The following SPI1 variants were observed in gnomAD, a reference collection of about 807,000 sequenced individuals.
SPI1 encodes the protein Spi-1 proto-oncogene, also known as transcription factor PU.1.
A neutral mutation model predicts 30.7 loss-of-function variants in SPI1; 3 were observed. The ratio of observed to expected loss-of-function variants is 0.10; its 90% CI spans 0.04 to 0.25. The LOEUF is 0.25. Among genes scored for constraint, SPI1 ranks in the 10% least tolerant of loss-of-function variants. SPI1 has a pLI of 1.00. For synonymous variants in SPI1, 169 were observed against 157.1 expected, an observed-to-expected ratio of 1.08 and a Z score of -0.56; for missense variants, 261 against 371.5, an observed-to-expected ratio of 0.70 and a Z score of 2.45.
In SPI1 at chr11:47,362,570, C is replaced by CTTTT. The variant is rs377422572; in HGVS notation, c.143-2534_143-2531dup. 1.3e-3 allele frequency among the ~76,000 whole-genome samples: 140 copies of CTTTT among 108,030 alleles called. 1 individual carries two copies. Among genetic ancestry groups the CTTTT allele is most frequent in the African/African-American group, 4.2e-3 (117 of 27,728 alleles). 70.9% of individuals were successfully genotyped at this position (108,030 alleles called of 152,430 possible). On this transcript the variant is annotated intron_variant, in intron 2 of 4. Transcript: ENST00000378538. Reference sequence around the variant, plus strand: ...TGGGTGACAGAGTGAGACCCTGTCTCTTTTTTTTTTTTTTTTTTTTTCTCT... The same window carrying CTTTT: ...TGGGTGACAGAGTGAGACCCTGTCTCTTTTTTTTTTTTTTTTTTTTTTTTTCTCT...
Position 47,354,949 on chromosome 11 carries a change from G to A in SPI1, c.*278C>T, listed in dbSNP as rs2095905684. The A allele has an allele frequency of 3.3e-6, 1 of 306,894 alleles. No homozygotes were observed. The highest frequency in any genetic ancestry group is 1.6e-4 in the South Asian group (1 of 6,284). 19.0% of individuals were successfully genotyped at this position (306,894 alleles called of 1,614,324 possible). ...AGATCTGATTTACATACGGACTTGA[G>A]ACTCCCAAGGCAGTACCCCGGGTCG... On this transcript the variant is annotated 3_prime_UTR_variant, in exon 5 of 5. Transcript: ENST00000378538.
chr11:47,359,635 G>A lies in SPI1; in HGVS notation c.330+218C>T, dbSNP rs73453722. On this transcript the variant is annotated intron_variant, in intron 3 of 4. Transcript: ENST00000378538. The surrounding 1 kb of genome is among the most constrained non-coding windows in gnomAD (Gnocchi z 5.1). ...CTTGGTGAGGGTGCGAGAATTATCT[G>A]GGGTCTGTCCATACTCGGGGTGAGA... Among the ~76,000 whole-genome samples, 3,059 of 152,122 alleles carry A rather than the reference G, an allele frequency of 0.02. 121 individuals are homozygous for A. Among genetic ancestry groups the A allele is most frequent in the African/African-American group, 0.07 (2,904 of 41,466 alleles).
At chr11:47,357,093 C>T (rs553668247) in intron 4 of SPI1, among the ~76,000 whole-genome samples, 1 of 151,622 alleles carries the variant, frequency 6.6e-6, no homozygotes, top group South Asian at 2.1e-4. Context: ...CACATGCTAA[C>T]ACCTCACACA....
intron 4 of SPI1, among the ~76,000 whole-genome samples, chr11:47,357,529 C>T (rs1370661356): frequency 6.6e-6 from 1 of 151,986 alleles, no homozygotes; most frequent in Non-Finnish European, 1.5e-5. Flanking sequence ...CACACTCATG[C>T]ATGCTCACAC....
At chr11:47,357,552 A>T (rs575525505) in intron 4 of SPI1, among the ~76,000 whole-genome samples, 1 of 148,820 alleles carries the variant, frequency 6.7e-6, no homozygotes, top group East Asian at 2.0e-4. Context: ...ACCTGCTCTC[A>T]CACTCACACA....
intron 4 of SPI1, among the ~76,000 whole-genome samples, chr11:47,357,786 G>A (rs2095913829): frequency 1.3e-5 from 2 of 152,058 alleles, no homozygotes; most frequent in East Asian, 3.9e-4. Context: ...GGCTGGTCTC[G>A]AACACCTGAC....
At chr11:47,378,093 G>A (rs141662476) in intron 1 of SPI1, among the ~76,000 whole-genome samples, 83 of 152,356 alleles carry the variant, frequency 5.4e-4, no homozygotes, top group African/African-American at 1.9e-3. Context: ...ACCGATCACA[G>A]CCCCACCGTG....
intron 4 of SPI1, among the ~76,000 whole-genome samples, chr11:47,357,021 ACAC>A (rs2095911566): frequency 1.3e-5 from 2 of 150,072 alleles, no homozygotes; most frequent in South Asian, 4.2e-4. Context: ...CACACACCTC[ACAC>A]CAAGTCTCAC....
At position 47,375,839 on chromosome 11, in the gene SPI1, G is replaced by A. The variant is rs901848292; in HGVS notation, c.46-110C>T. The A allele has an allele frequency of 5.1e-5, 44 of 866,346 alleles. No individual in the cohort carries two copies. The highest frequency in any genetic ancestry group is 9.9e-5 in the African/African-American group (6 of 60,476). 53.7% of individuals were successfully genotyped at this position (866,346 alleles called of 1,614,324 possible). On this transcript the variant is annotated intron_variant, in intron 1 of 4. Coordinates refer to ENST00000378538, the MANE Select transcript of SPI1 (RefSeq NM_003120.3). The surrounding 1 kb of genome is among the most constrained non-coding windows in gnomAD (Gnocchi z 4.2). ...TCACCTTCCCTGGCTCAGTGGCTGCGTTGGACCTACAGCCCTCCCTCTGCC... is the reference window on the plus strand; with the variant it reads ...TCACCTTCCCTGGCTCAGTGGCTGCATTGGACCTACAGCCCTCCCTCTGCC...
chr11:47,368,311 G>T (rs1243600492), intron 2 of SPI1, among the ~76,000 whole-genome samples: 1 of 152,146 alleles, frequency 6.6e-6, no homozygotes, highest in Non-Finnish European at 1.5e-5. Flanking sequence ...GTTGCAGTCA[G>T]CTGAGATCGT....
chr11:47,355,771 C>G (rs1160261603), intron 4 of SPI1, among the ~76,000 whole-genome samples: 2 of 116,594 alleles, frequency 1.7e-5, no homozygotes, highest in African/African-American at 6.9e-5. Context: ...CACCCACGCA[C>G]TCACCCCCCC....
Position 47,359,427 on chromosome 11 carries a change from G to C in SPI1, c.331-421C>G, listed in dbSNP as rs1194944085. 6.6e-6 allele frequency among the ~76,000 whole-genome samples: 1 copy of C among 152,122 alleles called. No individual in the cohort carries two copies. On this transcript the variant is annotated intron_variant, in intron 3 of 4. Transcript: ENST00000378538. This position sits in a 1 kb window ranked among gnomAD's most constrained non-coding sequence, Gnocchi z 5.1. ...AGTGGAGGGACCCTGGAGGTCAGTA[G>C]GGGTGGTAGAGGTCAGCAGAGGTCA...
At position 47,358,960 on chromosome 11, in the gene SPI1, G is replaced by A; in HGVS notation, c.377C>T (p.Pro126Leu). The A allele has an allele frequency of 1.3e-6, 2 of 1,558,036 alleles. No individual in the cohort carries two copies. The highest frequency in any genetic ancestry group is 1.7e-6 in the Non-Finnish European group (2 of 1,151,762). The change falls in exon 4 of 5, where the codon CCA becomes CTA. Residue 126 changes from proline to leucine, a missense_variant. Transcript: ENST00000378538. ...CTCCTCATCTGAGCTGGGCTGGGCT[G>A]GGGACAGGGATGGGTACTGGAGGCA... Reference protein sequence around the residue: ...RMCLQYPSLSPAQPSSDEEEG... With the variant: ...RMCLQYPSLSLAQPSSDEEEG...
chr11:47,373,389 T>C (rs2142897236), intron 2 of SPI1, among the ~76,000 whole-genome samples: 1 of 151,896 alleles, frequency 6.6e-6, no homozygotes, highest in South Asian at 2.1e-4. Context: ...GGTTCACACC[T>C]GTAATCCCAG....
chr11:47,360,701 C>T (rs762775682), intron 2 of SPI1, among the ~76,000 whole-genome samples: 12 of 151,266 alleles, frequency 7.9e-5, no homozygotes, highest in Non-Finnish European at 1.3e-4. Flanking sequence ...TGGTAGGTGC[C>T]GTAATCCCAG....
At chr11:47,370,659 G>A (rs1157648812) in intron 2 of SPI1, among the ~76,000 whole-genome samples, 2 of 152,170 alleles carry the variant, frequency 1.3e-5, no homozygotes, top group South Asian at 2.1e-4. Flanking sequence ...CAGAGATTGC[G>A]CCACTGTGCT....
intron 2 of SPI1, among the ~76,000 whole-genome samples, chr11:47,360,460 G>C (rs541374776): frequency 2.0e-5 from 3 of 152,298 alleles, no homozygotes; most frequent in Admixed American, 1.3e-4. Context: ...ATACGAATGA[G>C]TACACATTTG....
At position 47,358,892 on chromosome 11, in the gene SPI1, C is replaced by T; in HGVS notation, c.445G>A (p.Glu149Lys). 3 of 1,559,438 alleles carry T rather than the reference C, an allele frequency of 1.9e-6. No homozygotes were observed. The highest frequency in any genetic ancestry group is 1.7e-6 in the Non-Finnish European group (2 of 1,151,512). The part of the protein sequence containing the change: ...QSPPLEVSDG[E>K]ADGLEPGPGL... ...GGCCCGGGCTCCAGGCCATCCGCCT[C>T]GCCGTCAGACACCTCCAGTGGGGGG... Residue 149 changes from glutamate to lysine, a missense_variant, in exon 4 of 5, where the codon GAG (glutamate) becomes AAG (lysine). Around this residue, in one of 5 missense-constraint regions of SPI1, gnomAD observed 106 missense variants for 102.0 expected, o/e 1.04. Coordinates refer to ENST00000378538, the MANE Select transcript of SPI1 (RefSeq NM_003120.3).
At chr11:47,358,598 C>T in intron 4 of SPI1, 1 of 704,216 alleles carries the variant, frequency 1.4e-6, no homozygotes, top group East Asian at 2.7e-5. Context: ...TGTACACACA[C>T]TCATGGCACA....
Sources: allele counts gnomAD v4.1 joint callset (sites outside exome capture counted in the v4.1 genomes callset), GRCh38; gene constraint gnomAD v4.1.1; regional missense constraint gnomAD v4.1.1; non-coding constraint Gnocchi (gnomAD v3.1); transcripts MANE v1.5; gene names NCBI Gene and HGNC (gene_info 2026-07-23, HGNC 2026-07-21).